Variants in CADM1 observed in about 807,000 individuals in gnomAD.
CADM1 encodes cell adhesion molecule 1.
Under a neutral mutation model 53.1 loss-of-function variants are expected in CADM1, and 15 were observed. The ratio of observed to expected loss-of-function variants is 0.28; its 90% CI spans 0.19 to 0.44. The LOEUF (loss-of-function observed/expected upper bound fraction) is 0.44, where lower values mean the gene tolerates loss of function less well. CADM1 is among the 20% of genes least tolerant of loss of function. The pLI is 1.00. For missense variants in CADM1, 434 were observed against 611.3 expected (o/e 0.71, Z 3.06); for synonymous variants, 281 against 243.0 (o/e 1.16, Z -1.45).
In CADM1 at chr11:115,189,545, ATCAC is replaced by A. The variant is rs561251752; in HGVS notation, c.1165+1339_1165+1342del. Reference sequence around the variant, plus strand: ...CAAGCAGAAATTGCTTACTTCCAGCATCACATTTTACGTAGGGAGGACTTATCCA... The same window carrying A: ...CAAGCAGAAATTGCTTACTTCCAGCAATTTTACGTAGGGAGGACTTATCCA... On this transcript the variant is annotated intron_variant, in intron 10 of 11. Coordinates refer to ENST00000331581, the MANE Select transcript of CADM1 (RefSeq NM_001301043.2). Among the ~76,000 whole-genome samples the A allele has an allele frequency of 1.6e-4, 12 of 76,074 alleles. No homozygotes were observed. The East Asian group carries it at 4.9e-3, about 31-fold the overall frequency. 49.9% of individuals were successfully genotyped at this position (76,074 alleles called of 152,430 possible).
chr11:115,334,146 GAAGGC>G (rs961138387), intron 1 of CADM1, among the ~76,000 whole-genome samples: 1 of 152,156 alleles, frequency 6.6e-6, no homozygotes, highest in African/African-American at 2.4e-5. Flanking sequence ...CAAGAAAGCA[GAAGGC>G]AAGGAACAAT....
At position 115,330,003 on chromosome 11, in the gene CADM1, TG is replaced by T. The variant is rs554184678; in HGVS notation, c.125-89584del. 2.5e-3 allele frequency among the ~76,000 whole-genome samples: 384 copies of T among 151,132 alleles called. 3 individuals are homozygous for T. The highest frequency in any genetic ancestry group is 8.9e-3 in the African/African-American group (365 of 41,174). On this transcript the variant is annotated intron_variant, in intron 1 of 11. Coordinates refer to ENST00000331581, the MANE Select transcript of CADM1 (RefSeq NM_001301043.2). ...TCTTCTGCTTGTGGAGCCTAGGGTCTGGGGTTTATATGGGTACAGGATAGAG... is the reference window on the plus strand; with the variant it reads ...TCTTCTGCTTGTGGAGCCTAGGGTCTGGGTTTATATGGGTACAGGATAGAG...
chr11:115,226,851 T>C (rs930231082), intron 5 of CADM1, among the ~76,000 whole-genome samples: 4 of 152,172 alleles, frequency 2.6e-5, no homozygotes, highest in African/African-American at 9.7e-5. Context: ...CCAACTGTGT[T>C]TGAAGAAGCT....
chr11:115,374,424 A>C (rs1395648132), intron 1 of CADM1, among the ~76,000 whole-genome samples: 1 of 152,218 alleles, frequency 6.6e-6, no homozygotes, highest in Non-Finnish European at 1.5e-5. Flanking sequence ...GTAAAGAATC[A>C]GTCATTTGTC....
chr11:115,482,984 A>G (rs897085664), intron 1 of CADM1, among the ~76,000 whole-genome samples: 2 of 152,290 alleles, frequency 1.3e-5, no homozygotes, highest in Non-Finnish European at 2.9e-5. Flanking sequence ...TGAACACGGA[A>G]TAATTATTTC....
chr11:115,271,558 A>G (rs1943300067), intron 1 of CADM1, among the ~76,000 whole-genome samples: 1 of 152,262 alleles, frequency 6.6e-6, no homozygotes, highest in African/African-American at 2.4e-5. Flanking sequence ...CTGGGATTAC[A>G]GGCGTGAGCC....
chr11:115,500,026 G>T (rs1949698241), intron 1 of CADM1, among the ~76,000 whole-genome samples: 2 of 151,860 alleles, frequency 1.3e-5, no homozygotes, highest in Non-Finnish European at 2.9e-5. Context: ...TGCTTATATG[G>T]GACTAATTGC....
At chr11:115,380,844 C>T (rs1406885517) in intron 1 of CADM1, among the ~76,000 whole-genome samples, 1 of 152,088 alleles carries the variant, frequency 6.6e-6, no homozygotes, top group African/African-American at 2.4e-5. Context: ...ATTTAGGCTA[C>T]ATAAAATGAA....
chr11:115,413,752 C>A (rs112096771), intron 1 of CADM1, among the ~76,000 whole-genome samples: 1 of 151,566 alleles, frequency 6.6e-6, no homozygotes, highest in African/African-American at 2.4e-5. Flanking sequence ...TTAAGTGATT[C>A]TCCTGCCTCA....
At chr11:115,234,065 G>C (rs1454031073) in intron 3 of CADM1, among the ~76,000 whole-genome samples, 1 of 152,212 alleles carries the variant, frequency 6.6e-6, no homozygotes, top group Non-Finnish European at 1.5e-5. Context: ...TTGAGTCTTA[G>C]TGGAATTTAC....
chr11:115,426,485 G>T (rs1373050452), intron 1 of CADM1, among the ~76,000 whole-genome samples: 2 of 152,090 alleles, frequency 1.3e-5, no homozygotes, highest in African/African-American at 2.4e-5. Flanking sequence ...TGTAAAGAAA[G>T]CCTTTCCCCT....
Position 115,180,193 on chromosome 11 carries a change from G to A in CADM1, c.1166-1418C>T, listed in dbSNP as rs75260595. Among the ~76,000 whole-genome samples, 895 of 152,252 alleles carry A rather than the reference G, an allele frequency of 5.9e-3. 8 individuals carry two copies. Among genetic ancestry groups the A allele is most frequent in the South Asian group, 0.02 (97 of 4,820 alleles). On this transcript the variant is annotated intron_variant, in intron 10 of 11. Transcript: ENST00000331581. Reference sequence around the variant, plus strand: ...CTATCGATATTTCCAATTCTGCTCCGAGATTAAGTACTGAAGGATGTGGGG... The same window carrying A: ...CTATCGATATTTCCAATTCTGCTCCAAGATTAAGTACTGAAGGATGTGGGG...
intron 10 of CADM1, among the ~76,000 whole-genome samples, chr11:115,188,379 C>A (rs552754791): frequency 7.9e-5 from 12 of 152,308 alleles, no homozygotes; most frequent in African/African-American, 2.4e-4. Context: ...AATCACTGAA[C>A]TACATACGAG....
chr11:115,331,173 T>C (rs1945119858), intron 1 of CADM1, among the ~76,000 whole-genome samples: 1 of 152,174 alleles, frequency 6.6e-6, no homozygotes, highest in South Asian at 2.1e-4. Context: ...TGAGACAATT[T>C]CATGGGCATT....
chr11:115,308,811 C>T (rs983014985), intron 1 of CADM1, among the ~76,000 whole-genome samples: 4 of 149,834 alleles, frequency 2.7e-5, no homozygotes, highest in Non-Finnish European at 6.0e-5. Context: ...CCCTCCCTCC[C>T]TTCCTTCCAT....
intron 1 of CADM1, among the ~76,000 whole-genome samples, chr11:115,336,934 T>C (rs1945282886): frequency 6.6e-6 from 1 of 152,172 alleles, no homozygotes; most frequent in Non-Finnish European, 1.5e-5. Context: ...TATTTGAATT[T>C]GTAAGAACTT....
chr11:115,418,582 A>G (rs1947670739), intron 1 of CADM1, among the ~76,000 whole-genome samples: 1 of 152,230 alleles, frequency 6.6e-6, no homozygotes, highest in Non-Finnish European at 1.5e-5. Context: ...AATTGCATTC[A>G]GTGTAACACT....
At chr11:115,367,364 C>T (rs1422957443) in intron 1 of CADM1, among the ~76,000 whole-genome samples, 1 of 152,206 alleles carries the variant, frequency 6.6e-6, no homozygotes, top group Non-Finnish European at 1.5e-5. Context: ...CCAATGCCCA[C>T]ATGGAATTAG....
chr11:115,228,879 C>T (rs1429216371), intron 5 of CADM1, among the ~76,000 whole-genome samples: 1 of 152,134 alleles, frequency 6.6e-6, no homozygotes, highest in Non-Finnish European at 1.5e-5. Context: ...CGTGTTAGAG[C>T]AGATTGATAT....
Sources: gnomAD v4.1 joint callset for allele counts (sites outside exome capture counted in the v4.1 genomes callset) on GRCh38, gnomAD v4.1.1 for gene constraint, MANE v1.5 for transcripts, NCBI Gene and HGNC (gene_info 2026-07-23, HGNC 2026-07-21) for gene names.